The following JMJD1C variants were observed in gnomAD, a reference collection of about 807,000 sequenced individuals.
JMJD1C encodes the protein jumonji domain-containing protein 1C.
JMJD1C carries 31 observed loss-of-function variants against 245.3 expected under a neutral mutation model. The ratio of observed to expected loss-of-function variants is 0.13; its 90% CI spans 0.09 to 0.17. The LOEUF (loss-of-function observed/expected upper bound fraction) is 0.17. Among genes scored for constraint, JMJD1C ranks in the 10% least tolerant of loss-of-function variants. The probability of loss-of-function intolerance (pLI) is 1.00; values close to 1 mark genes in which losing one functional copy is unlikely to be tolerated. For missense variants in JMJD1C, 2,691 were observed against 3,000.2 expected (o/e 0.90, Z 2.41); for synonymous variants, 1,057 against 1,017.4 (o/e 1.04, Z -0.74).
rs868514665 is a variant in JMJD1C at position 63,309,323 on chromosome 10, T to C, written c.334-44559A>G. On this transcript the variant is annotated intron_variant, in intron 2 of 25. Coordinates refer to ENST00000399262, the MANE Select transcript of JMJD1C (RefSeq NM_032776.3). ...GCCTGGCCAACATGGTGAAACCCCATCTCTACTAAAAATGCAAAAAATTAA... is the reference window on the plus strand; with the variant it reads ...GCCTGGCCAACATGGTGAAACCCCACCTCTACTAAAAATGCAAAAAATTAA... Among the ~76,000 whole-genome samples the C allele has an allele frequency of 5.3e-5, 8 of 150,694 alleles. No individual in the cohort carries two copies. The South Asian group carries it at 8.4e-4, about 16-fold the overall frequency.
intron 1 of JMJD1C, among the ~76,000 whole-genome samples, chr10:63,458,665 A>C (rs12573212): frequency 0.66 from 100,100 of 151,764 alleles, 35,949 homozygotes; most frequent in Non-Finnish European, 0.81. Flanking sequence ...CTCTTTCAAC[A>C]TATTTTGGTA....
At chr10:63,439,911 C>T (rs985393626) in intron 1 of JMJD1C, among the ~76,000 whole-genome samples, 1 of 152,056 alleles carries the variant, frequency 6.6e-6, no homozygotes. Flanking sequence ...ACAATACCTA[C>T]CAATTAGAGA....
intron 3 of JMJD1C, among the ~76,000 whole-genome samples, chr10:63,260,053 T>A (rs1169261449): frequency 6.6e-6 from 1 of 152,158 alleles, no homozygotes; most frequent in African/African-American, 2.4e-5. Context: ...GAACTTCTAA[T>A]GGAATCATTC....
intron 24 of JMJD1C, among the ~76,000 whole-genome samples, chr10:63,172,275 TATAGAC>T (rs1374550077): frequency 3.9e-5 from 6 of 152,344 alleles, no homozygotes; most frequent in South Asian, 2.1e-4. Context: ...AGAAAATGTG[TATAGAC>T]ATAAAGTGGA....
chr10:63,256,789 A>T (rs2133693844), intron 3 of JMJD1C, among the ~76,000 whole-genome samples: 1 of 152,266 alleles, frequency 6.6e-6, no homozygotes, highest in Middle Eastern at 3.4e-3. Flanking sequence ...TTCTCATTTT[A>T]CTGATTTTAT....
chr10:63,302,151 G>A (rs929696489), intron 2 of JMJD1C, among the ~76,000 whole-genome samples: 2 of 152,168 alleles, frequency 1.3e-5, no homozygotes, highest in African/African-American at 4.8e-5. Context: ...CCAAGTAGCT[G>A]GGACTACTGG....
chr10:63,346,791 G>C (rs7081275), intron 2 of JMJD1C, among the ~76,000 whole-genome samples: 5 of 152,090 alleles, frequency 3.3e-5, no homozygotes, highest in Non-Finnish European at 5.9e-5. Flanking sequence ...CTATCTACTT[G>C]GCTACTATTT....
At chr10:63,268,773 G>A in intron 2 of JMJD1C, 1 of 984,590 alleles carries the variant, frequency 1.0e-6, no homozygotes, top group Non-Finnish European at 1.2e-6. Context: ...AGAGTATCTA[G>A]TGTAAATACT....
chr10:63,211,282 T>C (rs1282130475), intron 8 of JMJD1C, among the ~76,000 whole-genome samples: 3 of 151,998 alleles, frequency 2.0e-5, no homozygotes, highest in African/African-American at 4.8e-5. Flanking sequence ...CTGGCCAGCA[T>C]AGTGAAACCT....
chr10:63,223,170 A>C, intron 3 of JMJD1C: 1 of 569,904 alleles, frequency 1.8e-6, no homozygotes, highest in Non-Finnish European at 3.1e-6. Flanking sequence ...ACTTCCATAC[A>C]TAACCATCCA....
intron 3 of JMJD1C, among the ~76,000 whole-genome samples, chr10:63,248,210 C>T (rs1390744653): frequency 1.3e-5 from 2 of 152,094 alleles, no homozygotes; most frequent in Non-Finnish European, 2.9e-5. Flanking sequence ...CACCTGTAAT[C>T]CCAGCACTTT....
chr10:63,168,826 A>T (rs2132722419), intron 24 of JMJD1C, among the ~76,000 whole-genome samples: 1 of 152,250 alleles, frequency 6.6e-6, no homozygotes, highest in African/African-American at 2.4e-5. Context: ...TCCTTTGGAG[A>T]GGCTGATAAC....
At position 63,396,742 on chromosome 10, in the gene JMJD1C, TAATAC is replaced by T. The variant is rs549947692; in HGVS notation, c.169-16265_169-16261del. 9.6e-4 allele frequency among the ~76,000 whole-genome samples: 145 copies of T among 151,820 alleles called. 1 individual carries two copies. The highest frequency in any genetic ancestry group is 3.4e-3 in the African/African-American group (141 of 41,400). ...CTATTTTGTAGAGAAGAGAAACTAA[TAATAC>T]AATAGGCACAGAGCATTAGGTATGT... On this transcript the variant is annotated intron_variant, in intron 1 of 25. Transcript: ENST00000399262.
intron 1 of JMJD1C, among the ~76,000 whole-genome samples, chr10:63,438,633 C>G (rs1290458491): frequency 6.6e-6 from 1 of 152,150 alleles, no homozygotes; most frequent in Non-Finnish European, 1.5e-5. Context: ...TTTCCTTCTC[C>G]TCTCCCACTT....
At chr10:63,307,803 T>A (rs1474952910) in intron 2 of JMJD1C, among the ~76,000 whole-genome samples, 3 of 152,144 alleles carry the variant, frequency 2.0e-5, no homozygotes, top group Non-Finnish European at 4.4e-5. Context: ...AAGGTCTCAA[T>A]ACAGAGAAAA....
At chr10:63,311,965 C>T (rs975390693) in intron 2 of JMJD1C, among the ~76,000 whole-genome samples, 1 of 151,992 alleles carries the variant, frequency 6.6e-6, no homozygotes, top group Non-Finnish European at 1.5e-5. Flanking sequence ...TTTGAGAAAA[C>T]CTCAATTATA....
At chr10:63,255,639 C>G (rs563580339) in intron 3 of JMJD1C, among the ~76,000 whole-genome samples, 7 of 152,254 alleles carry the variant, frequency 4.6e-5, no homozygotes, top group East Asian at 1.9e-4. Context: ...TACTTTACAT[C>G]GTTTCTATTT....
In JMJD1C at chr10:63,190,915, T is replaced by C. The variant is rs1844720425; in HGVS notation, c.6270A>G (p.Pro2090=). 4 of 1,614,010 alleles carry C rather than the reference T, an allele frequency of 2.5e-6. No homozygotes were observed. The highest frequency in any genetic ancestry group is 3.4e-6 in the Non-Finnish European group (4 of 1,179,910). The change falls in exon 17 of 26, where the codon CCA becomes CCG. Residue 2090 remains proline, a synonymous_variant. Transcript: ENST00000399262. ...GSTDAGIAFA[P]VYSMGAPSSK... is the part of the protein sequence containing the mutation. ...TCACTGGGGCTCCCATTGAATATAC[T>C]GGGGCAAAGGCAATGCCAGCATCTG...
chr10:63,420,780 TAGAA>T (rs2132738094), intron 1 of JMJD1C, among the ~76,000 whole-genome samples: 1 of 144,056 alleles, frequency 6.9e-6, no homozygotes, highest in South Asian at 2.2e-4. Flanking sequence ...CTGACAAAAT[TAGAA>T]AGAGAACTGC....
Sources: gnomAD v4.1 joint callset for allele counts (sites outside exome capture counted in the v4.1 genomes callset) on GRCh38, gnomAD v4.1.1 for gene constraint, MANE v1.5 for transcripts, NCBI Gene and HGNC (gene_info 2026-07-23, HGNC 2026-07-21) for gene names.